EYS: variants seen among roughly 807,000 people sequenced by gnomAD.
EYS encodes the protein protein eyes shut homolog.
A neutral mutation model predicts 282.1 loss-of-function variants in EYS; 250 were observed. The ratio of observed to expected loss-of-function variants is 0.89; its 90% CI spans 0.80 to 0.98. EYS has a LOEUF of 0.98. Among genes scored for constraint, EYS ranks in the 50% least tolerant of loss-of-function variants. The pLI, the probability that EYS is intolerant of heterozygous loss-of-function variation, is 0.00. For synonymous variants in EYS, 1,355 were observed against 1,282.9 expected (o/e 1.06, Z -1.20); for missense variants, 4,016 against 3,709.0 (o/e 1.08, Z -2.15).
At chr6:64,881,283 T>C (rs887225405) in intron 19 of EYS, among the ~76,000 whole-genome samples, 7 of 151,812 alleles carry the variant, frequency 4.6e-5, no homozygotes, top group Non-Finnish European at 1.0e-4. Flanking sequence ...CTGAAAGTCA[T>C]ACACATGAGA....
chr6:65,467,359 C>G (rs561129026), intron 5 of EYS, among the ~76,000 whole-genome samples: 7 of 151,988 alleles, frequency 4.6e-5, no homozygotes, highest in Admixed American at 2.0e-4. Context: ...TGAATGAATA[C>G]AAGATTTCCA....
intron 22 of EYS, among the ~76,000 whole-genome samples, chr6:64,629,169 T>C (rs984293586): frequency 3.3e-5 from 5 of 152,164 alleles, no homozygotes; most frequent in African/African-American, 1.2e-4. Context: ...ATTGGTCAAG[T>C]ATTTTGTAAA....
chr6:65,307,957 C>G (rs1163496543), intron 11 of EYS, among the ~76,000 whole-genome samples: 3 of 150,364 alleles, frequency 2.0e-5, no homozygotes, highest in African/African-American at 7.3e-5. Context: ...GAATAAAGAG[C>G]CTTTTATTTT....
At chr6:65,368,359 A>G (rs1029550188) in intron 8 of EYS, among the ~76,000 whole-genome samples, 3 of 151,700 alleles carry the variant, frequency 2.0e-5, no homozygotes, top group African/African-American at 7.2e-5. Flanking sequence ...TCCTTCACAC[A>G]TAATGGAAGT....
chr6:65,235,308 CA>C (rs1766894086), intron 12 of EYS, among the ~76,000 whole-genome samples: 1 of 152,014 alleles, frequency 6.6e-6, no homozygotes, highest in Non-Finnish European at 1.5e-5. Flanking sequence ...GTGACTGAGC[CA>C]CATTTAATCT....
At chr6:65,037,631 G>T (rs946338456) in intron 13 of EYS, among the ~76,000 whole-genome samples, 12 of 151,814 alleles carry the variant, frequency 7.9e-5, no homozygotes, top group Admixed American at 1.3e-4. Context: ...ATACACATAT[G>T]TGTTAATCAA....
At chr6:64,959,906 AACC>A (rs1769856439) in intron 14 of EYS, among the ~76,000 whole-genome samples, 1 of 149,012 alleles carries the variant, frequency 6.7e-6, no homozygotes, top group Non-Finnish European at 1.5e-5. Context: ...TTTTAAGAAG[AACC>A]ACTGTTAAAG....
At chr6:65,044,140 T>A (rs1263047600) in intron 13 of EYS, among the ~76,000 whole-genome samples, 4 of 151,822 alleles carry the variant, frequency 2.6e-5, no homozygotes, top group African/African-American at 9.7e-5. Flanking sequence ...TCATGCTTAG[T>A]GATACTGAGC....
At chr6:65,348,313 G>A (rs1029395510) in intron 9 of EYS, among the ~76,000 whole-genome samples, 3 of 151,672 alleles carry the variant, frequency 2.0e-5, no homozygotes, top group Non-Finnish European at 4.4e-5. Flanking sequence ...CCTCCAAACT[G>A]TTCTCCACAG....
At chr6:65,091,152 T>C (rs1235237498) in intron 12 of EYS, among the ~76,000 whole-genome samples, 1 of 151,350 alleles carries the variant, frequency 6.6e-6, no homozygotes, top group East Asian at 1.9e-4. Flanking sequence ...TTTTAAAAAC[T>C]GCCAGGCACG....
chr6:64,779,407 A>G (rs942052349), intron 22 of EYS, among the ~76,000 whole-genome samples: 2 of 152,106 alleles, frequency 1.3e-5, no homozygotes, highest in Non-Finnish European at 2.9e-5. Context: ...TATATACTGT[A>G]TGATTCTTAT....
At chr6:65,626,396 T>C (rs1416863194) in intron 2 of EYS, among the ~76,000 whole-genome samples, 1 of 152,192 alleles carries the variant, frequency 6.6e-6, no homozygotes, top group Non-Finnish European at 1.5e-5. Context: ...TTATCTTCTA[T>C]ATGCATTTAG....
chr6:64,142,839 C>T (rs182728722), intron 31 of EYS, among the ~76,000 whole-genome samples: 76 of 152,192 alleles, frequency 5.0e-4, no homozygotes, highest in African/African-American at 1.8e-3. Flanking sequence ...GTTCAGGAGA[C>T]AAGTTACATT....
intron 29 of EYS, among the ~76,000 whole-genome samples, chr6:64,383,098 G>T (rs924552947): frequency 6.6e-6 from 1 of 151,872 alleles, no homozygotes; most frequent in Non-Finnish European, 1.5e-5. Flanking sequence ...GACAAGCCTG[G>T]GAAACATAGA....
chr6:63,847,779 A>G (rs1350649304), intron 36 of EYS, among the ~76,000 whole-genome samples: 2 of 152,232 alleles, frequency 1.3e-5, no homozygotes, highest in Non-Finnish European at 2.9e-5. Flanking sequence ...ATCAAAATAT[A>G]TGAGAAATAA....
At chr6:64,377,796 G>A (rs1582671923) in intron 29 of EYS, 1 of 152,054 alleles carries the variant, frequency 6.6e-6, no homozygotes, top group African/African-American at 2.4e-5. Context: ...AGCAAAGCAA[G>A]CGAGATTTAC....
intron 22 of EYS, among the ~76,000 whole-genome samples, chr6:64,764,820 C>A (rs1273565223): frequency 3.3e-5 from 5 of 152,142 alleles, no homozygotes; most frequent in Admixed American, 2.6e-4. Flanking sequence ...CTCACTGCAA[C>A]CTCGGCCTCC....
intron 26 of EYS, among the ~76,000 whole-genome samples, chr6:64,461,039 C>T (rs1310378621): frequency 6.6e-6 from 1 of 152,140 alleles, no homozygotes; most frequent in Non-Finnish European, 1.5e-5. Flanking sequence ...ACATAGTGCA[C>T]AAACACAGGG....
At chr6:64,296,582 ATACATATATATATATATTTTT>A (rs1267166785) in intron 30 of EYS, among the ~76,000 whole-genome samples, 43 of 5,982 alleles carry the variant, frequency 7.2e-3, no homozygotes, top group African/African-American at 0.045. Flanking sequence ...ATATATATAT[ATACATATATATATATATTTTT>A]TTTTTTTTTT....
Sources: allele counts gnomAD v4.1 joint callset (sites outside exome capture counted in the v4.1 genomes callset), GRCh38; gene constraint gnomAD v4.1.1; transcripts MANE v1.5; gene names NCBI Gene and HGNC (gene_info 2026-07-23, HGNC 2026-07-21).